MSTO1: variants seen among roughly 807,000 people sequenced by gnomAD.
MSTO1 encodes misato mitochondrial distribution and morphology regulator 1, also known as protein misato homolog 1.
A neutral mutation model predicts 55.7 loss-of-function variants in MSTO1; 24 were observed. The observed-to-expected ratio is 0.43, with a 90% CI of 0.31 to 0.61. The LOEUF (loss-of-function observed/expected upper bound fraction) is 0.61. MSTO1 is among the 20% of genes least tolerant of loss of function. The pLI is 0.09. For synonymous variants in MSTO1, 162 were observed against 252.8 expected (o/e 0.64, Z 3.41); for missense variants, 363 against 625.7 (o/e 0.58, Z 4.48).
At chr1:155,575,276 G>A in the MSTO1 span, among the ~76,000 whole-genome samples, 7 of 151,618 alleles carry the variant, frequency 4.6e-5, no homozygotes, top group African/African-American at 1.5e-4. Context: ...ACATATCATT[G>A]TCAGTTCTTT....
chr1:155,609,243 A>ATATATTTTTTTT (rs59756178), upstream of MSTO1, among the ~76,000 whole-genome samples: 9 of 54,592 alleles, frequency 1.6e-4, no homozygotes, highest in African/African-American at 3.6e-4. Context: ...ATATATATAT[A>ATATATTTTTTTT]TTTTTTTTTT....
At chr1:155,570,004 G>A in the MSTO1 span, among the ~76,000 whole-genome samples, 1 of 152,078 alleles carries the variant, frequency 6.6e-6, no homozygotes, top group South Asian at 2.1e-4. Flanking sequence ...TAATTACCTG[G>A]AACGTTAGTA....
At chr1:155,594,423 G>A in the MSTO1 span, among the ~76,000 whole-genome samples, 7 of 152,112 alleles carry the variant, frequency 4.6e-5, no homozygotes, top group Admixed American at 4.6e-4. Context: ...AAATAAATAA[G>A]TAAATAAATG....
chr1:155,602,178 C>T, the MSTO1 span: 1 of 706,614 alleles, frequency 1.4e-6, no homozygotes, highest in Non-Finnish European at 2.7e-6. Flanking sequence ...AATTTCAAAA[C>T]TACAAATGAG....
chr1:155,567,455 G>A, the MSTO1 span, among the ~76,000 whole-genome samples: 1 of 151,872 alleles, frequency 6.6e-6, no homozygotes, highest in African/African-American at 2.4e-5. Context: ...GGGACTACAG[G>A]CGCCCGCCAC....
chr1:155,582,117 C>T, the MSTO1 span, among the ~76,000 whole-genome samples: 13 of 152,186 alleles, frequency 8.5e-5, no homozygotes, highest in South Asian at 1.2e-3. Flanking sequence ...TGGTCTCGAT[C>T]TCCTGATCTC....
chr1:155,613,975 G>T, intron 13 of MSTO1, 84 bp from the exon 14 acceptor site: 1 of 1,584,240 alleles, frequency 6.3e-7, no homozygotes, highest in South Asian at 1.1e-5. Context: ...AGTCTACTAA[G>T]GTTGGACTTC....
At chr1:155,581,666 T>A in the MSTO1 span, among the ~76,000 whole-genome samples, 1 of 152,086 alleles carries the variant, frequency 6.6e-6, no homozygotes, top group Admixed American at 6.6e-5. Context: ...CCTCCCAAAG[T>A]ACTGGGATTA....
At chr1:155,568,699 A>T in the MSTO1 span, among the ~76,000 whole-genome samples, 1 of 151,408 alleles carries the variant, frequency 6.6e-6, no homozygotes, top group Non-Finnish European at 1.5e-5. Context: ...CAGTCTCCCA[A>T]AGTGCTGGGA....
At chr1:155,593,555 C>T in the MSTO1 span, among the ~76,000 whole-genome samples, 69 of 152,330 alleles carry the variant, frequency 4.5e-4, no homozygotes, top group Middle Eastern at 0.024. Flanking sequence ...TGATAATATT[C>T]TGCCTATCTG....
the MSTO1 span, among the ~76,000 whole-genome samples, chr1:155,604,331 A>G: frequency 1.3e-5 from 2 of 152,210 alleles, no homozygotes; most frequent in Admixed American, 6.5e-5. Context: ...ACAATGGACC[A>G]TAAACCAGCT....
At chr1:155,599,256 A>G in the MSTO1 span, among the ~76,000 whole-genome samples, 1 of 152,168 alleles carries the variant, frequency 6.6e-6, no homozygotes, top group Non-Finnish European at 1.5e-5. Context: ...TTTCTTCGTG[A>G]TATTACTGCC....
chr1:155,576,607 G>C, the MSTO1 span, among the ~76,000 whole-genome samples: 10 of 152,032 alleles, frequency 6.6e-5, no homozygotes, highest in Admixed American at 5.9e-4. Context: ...TTACAGGTGT[G>C]AGCCACTGTG....
chr1:155,578,115 G>C, the MSTO1 span, among the ~76,000 whole-genome samples: 1 of 152,044 alleles, frequency 6.6e-6, no homozygotes, highest in African/African-American at 2.4e-5. Flanking sequence ...AAAAGGACTG[G>C]TGATTTTAGT....
the MSTO1 span, among the ~76,000 whole-genome samples, chr1:155,569,769 G>GT: frequency 1.9e-4 from 29 of 151,282 alleles, no homozygotes; most frequent in Non-Finnish European, 3.1e-4. Flanking sequence ...GTTTTTTTAG[G>GT]TTTTTTTTAC....
At chr1:155,612,768 C>T in intron 9 of MSTO1, 76 bp from the exon 10 acceptor site, 4 of 1,575,176 alleles carry the variant, frequency 2.5e-6, no homozygotes, top group Non-Finnish European at 3.5e-6. Context: ...CTGGGTCTCT[C>T]TGGTGTTAAT....
the MSTO1 span, among the ~76,000 whole-genome samples, chr1:155,605,077 A>G: frequency 6.6e-6 from 1 of 152,076 alleles, no homozygotes; most frequent in Non-Finnish European, 1.5e-5. Flanking sequence ...CAGGGCCAAA[A>G]TGGCGAAACC....
chr1:155,602,050 G>A, the MSTO1 span: 13 of 615,700 alleles, frequency 2.1e-5, no homozygotes, highest in Middle Eastern at 5.0e-4. Flanking sequence ...CGCCGCGCCC[G>A]GCCTCTTCTG....
the MSTO1 span, among the ~76,000 whole-genome samples, chr1:155,594,523 C>T: frequency 6.6e-6 from 1 of 152,062 alleles, no homozygotes; most frequent in Non-Finnish European, 1.5e-5. Context: ...ATAAATGAAA[C>T]TAGAAACTTG....
Sources: gnomAD v4.1 joint callset for allele counts (sites outside exome capture counted in the v4.1 genomes callset) on GRCh38, gnomAD v4.1.1 for gene constraint, MANE v1.5 for transcripts, NCBI Gene and HGNC (gene_info 2026-07-23, HGNC 2026-07-21) for gene names.